Variants in CDKN2B-AS1 observed in about 807,000 individuals in gnomAD.
CDKN2B-AS1 encodes the protein CDKN2B and CDKN2A antisense cis and trans regulatory RNA 1.
chr9:22,095,985 C>T (rs575627588), intron 4 of CDKN2B-AS1, among the ~76,000 whole-genome samples: 59 of 152,112 alleles, frequency 3.9e-4, no homozygotes, highest in African/African-American at 1.3e-3. Flanking sequence ...TGTGTTTCTG[C>T]ACATGGTGAT....
chr9:22,052,032 T>TGG lies in CDKN2B-AS1; in HGVS notation n.302+2808_302+2809dup, dbSNP rs200354248. 8.0e-3 allele frequency among the ~76,000 whole-genome samples: 1,221 copies of TGG among 152,244 alleles called. 19 individuals carry two copies. Among genetic ancestry groups the TGG allele is most frequent in the African/African-American group, 0.028 (1,152 of 41,530 alleles). ...CATGACTGTGGTCCTCACATCATGG[T>TGG]GGGGGATCCTGGTGGCCAGATTAAA... On this transcript the variant is annotated intron_variant and non_coding_transcript_variant, in intron 3 of 4. Transcript: ENST00000650946.
intron 4 of CDKN2B-AS1, among the ~76,000 whole-genome samples, chr9:22,069,365 T>C (rs1824195441): frequency 6.6e-6 from 1 of 152,018 alleles, no homozygotes. Flanking sequence ...ATAACCACTA[T>C]AGCTGAGGAA....
intron 4 of CDKN2B-AS1, among the ~76,000 whole-genome samples, chr9:22,091,414 G>C (rs557688081): frequency 1.4e-4 from 21 of 152,240 alleles, no homozygotes; most frequent in Admixed American, 2.6e-4. Context: ...AAATTACTTT[G>C]GGCAGTATGG....
At chr9:22,011,264 G>T (rs1451361233) in intron 1 of CDKN2B-AS1, among the ~76,000 whole-genome samples, 2 of 152,152 alleles carry the variant, frequency 1.3e-5, no homozygotes, top group African/African-American at 4.8e-5. Flanking sequence ...AAACCAACCT[G>T]CTCAACCTGG....
Position 22,005,213 on chromosome 9 carries a change from C to T in CDKN2B-AS1, n.29+10052C>T, listed in dbSNP as rs1250847194. The T allele has an allele frequency of 8.6e-6, 2 of 233,266 alleles. No individual in the cohort carries two copies. The highest frequency in any genetic ancestry group is 2.2e-5 in the African/African-American group (1 of 45,242). 14.4% of individuals were successfully genotyped at this position (233,266 alleles called of 1,614,324 possible). A position where few individuals can be genotyped will look rare whatever the true frequency, so the allele number is the denominator to read the frequency against. On this transcript the variant is annotated intron_variant and non_coding_transcript_variant, in intron 1 of 4. Transcript: ENST00000650946. The surrounding 1 kb of genome is among the most constrained non-coding windows in gnomAD (Gnocchi z 4.9). ...CCACCACCTCATCCTGTGTAGTCTGCCTGCGGAACCCGCGGGAATCTCTCC... is the reference window on the plus strand; with the variant it reads ...CCACCACCTCATCCTGTGTAGTCTGTCTGCGGAACCCGCGGGAATCTCTCC...
rs553713014 is a variant in CDKN2B-AS1, at chr9:22,058,806, T to C, written n.438+2419T>C. The C allele has an allele frequency of 9.1e-4, 157 of 172,280 alleles. 3 individuals carry two copies. Among genetic ancestry groups the C allele is most frequent in the Non-Finnish European group, 5.3e-4 (44 of 83,160 alleles). The allele number at this position is 172,280 out of a possible 1,614,324, so 10.7% of individuals were successfully genotyped here. ...AATTGGGAACAAAAAGAAGTTTAAC[T>C]AGACTTACAGTTCCGCATGGCTGAG... On this transcript the variant is annotated intron_variant and non_coding_transcript_variant, in intron 4 of 4. Coordinates refer to ENST00000650946, the Ensembl canonical transcript of CDKN2B-AS1.
At chr9:22,007,082 A>G (rs1244737168) in intron 1 of CDKN2B-AS1, among the ~76,000 whole-genome samples, 1 of 152,216 alleles carries the variant, frequency 6.6e-6, no homozygotes, top group Non-Finnish European at 1.5e-5. Context: ...AGCTTGGGCC[A>G]GGCCCAGTGG....
intron 1 of CDKN2B-AS1, among the ~76,000 whole-genome samples, chr9:22,026,775 G>T (rs1822258313): frequency 1.3e-5 from 2 of 152,166 alleles, no homozygotes; most frequent in Admixed American, 1.3e-4. Context: ...AAAGCTCTTG[G>T]GTCTCCATGC....
At chr9:22,027,835 G>A (rs1174933497) in intron 1 of CDKN2B-AS1, among the ~76,000 whole-genome samples, 1 of 151,630 alleles carries the variant, frequency 6.6e-6, no homozygotes, top group African/African-American at 2.4e-5. Flanking sequence ...GTAAGGAAAG[G>A]AAAAATAAAT....
At chr9:22,082,554 C>A (rs1292146347) in intron 4 of CDKN2B-AS1, among the ~76,000 whole-genome samples, 1 of 152,142 alleles carries the variant, frequency 6.6e-6, no homozygotes, top group African/African-American at 2.4e-5. Context: ...AATAGATAAA[C>A]GTATCATGAT....
In CDKN2B-AS1 at chr9:22,019,736, C is replaced by G. The variant is rs961894097; in HGVS notation, n.29+24575C>G. Among the ~76,000 whole-genome samples the G allele has an allele frequency of 8.5e-5, 13 of 152,174 alleles. No individual in the cohort carries two copies. The East Asian group carries it at 2.3e-3, about 27-fold the overall frequency. ...CTGTAGTAATGCAATTTTCTCTATA[C>G]TGAAATGCAGACATTTGAGTATAGA... On this transcript the variant is annotated intron_variant and non_coding_transcript_variant, in intron 1 of 4. Transcript: ENST00000650946.
chr9:22,071,135 C>T (rs1172722635), intron 4 of CDKN2B-AS1, among the ~76,000 whole-genome samples: 1 of 150,290 alleles, frequency 6.7e-6, no homozygotes, highest in Non-Finnish European at 1.5e-5. Flanking sequence ...AATTCAATTG[C>T]AACTTAGGAG....
At chr9:22,114,485 G>A (rs911264256) in intron 4 of CDKN2B-AS1, among the ~76,000 whole-genome samples, 1 of 152,190 alleles carries the variant, frequency 6.6e-6, no homozygotes, top group Admixed American at 6.5e-5. Flanking sequence ...TACTATGTAA[G>A]ACTCATCCCC....
At chr9:22,116,081 C>T (rs1825942316) in intron 4 of CDKN2B-AS1, among the ~76,000 whole-genome samples, 1 of 152,158 alleles carries the variant, frequency 6.6e-6, no homozygotes, top group Non-Finnish European at 1.5e-5. Flanking sequence ...TTATCTCTTT[C>T]CAAAATTGGA....
chr9:22,010,312 CG>C (rs1821434130), intron 1 of CDKN2B-AS1, among the ~76,000 whole-genome samples: 1 of 152,078 alleles, frequency 6.6e-6, no homozygotes, highest in Non-Finnish European at 1.5e-5. Flanking sequence ...AACATTTCAG[CG>C]GATGCTACAT....
intron 1 of CDKN2B-AS1, chr9:22,012,009 A>G (rs540936547): frequency 1.6e-5 from 8 of 493,226 alleles, no homozygotes; most frequent in African/African-American, 1.6e-4. Context: ...CATCCATTCC[A>G]ATGTTGCACA....
intron 4 of CDKN2B-AS1, among the ~76,000 whole-genome samples, chr9:22,075,723 T>C (rs987946420): frequency 5.9e-5 from 9 of 152,160 alleles, no homozygotes; most frequent in African/African-American, 4.8e-5. Context: ...TGTGATCAGT[T>C]GCATTTATGG....
intron 4 of CDKN2B-AS1, among the ~76,000 whole-genome samples, chr9:22,093,051 A>G (rs1054521276): frequency 6.6e-6 from 1 of 152,098 alleles, no homozygotes; most frequent in Non-Finnish European, 1.5e-5. Flanking sequence ...TTCAAAGAAC[A>G]TCTTTATTTC....
Position 21,996,217 on chromosome 9 carries a change from C to G in CDKN2B-AS1, n.29+1056C>G, listed in dbSNP as rs1587363211. ...CCGCCCCATCACTTGACGTTGCTGC[C>G]GGACCTCGGTACAAACCCAAGACAA... On this transcript the variant is annotated intron_variant and non_coding_transcript_variant, in intron 1 of 4. Coordinates refer to ENST00000650946, the Ensembl canonical transcript of CDKN2B-AS1. The surrounding 1 kb of genome is among the most constrained non-coding windows in gnomAD (Gnocchi z 5.4). 6.6e-6 allele frequency among the ~76,000 whole-genome samples: 1 copy of G among 152,160 alleles called. No individual in the cohort carries two copies. The highest frequency in any genetic ancestry group is 1.5e-5 in the Non-Finnish European group (1 of 68,024).
Sources: allele counts gnomAD v4.1 joint callset (sites outside exome capture counted in the v4.1 genomes callset), GRCh38; gene constraint gnomAD v4.1.1; non-coding constraint Gnocchi (gnomAD v3.1); transcripts MANE v1.5; gene names NCBI Gene and HGNC (gene_info 2026-07-23, HGNC 2026-07-21).